Variants in SH3PXD2A observed in about 807,000 individuals in gnomAD.
The protein encoded by SH3PXD2A is SH3 and PX domain-containing protein 2A.
SH3PXD2A carries 32 observed loss-of-function variants against 115.2 expected under a neutral mutation model. The ratio of observed to expected loss-of-function variants is 0.28; its 90% CI spans 0.21 to 0.37. SH3PXD2A has a LOEUF of 0.37. Ranked by LOEUF, SH3PXD2A falls within the 10% of genes least tolerant of loss-of-function variation. The probability of loss-of-function intolerance (pLI) is 1.00; values close to 1 mark genes in which losing one functional copy is unlikely to be tolerated. For synonymous variants in SH3PXD2A, 610 were observed against 629.1 expected (o/e 0.97, Z 0.45); for missense variants, 1,328 against 1,498.7 (o/e 0.89, Z 1.88).
intron 3 of SH3PXD2A, among the ~76,000 whole-genome samples, chr10:103,744,770 A>T (rs992742912): frequency 5.3e-5 from 8 of 152,212 alleles, no homozygotes; most frequent in Non-Finnish European, 1.0e-4. Context: ...CCCATAGCGA[A>T]GGTCAGCAGC....
chr10:103,831,076 A>G (rs748929666), intron 1 of SH3PXD2A, among the ~76,000 whole-genome samples: 20 of 152,256 alleles, frequency 1.3e-4, no homozygotes, highest in Non-Finnish European at 2.5e-4. Context: ...TACTACAAAC[A>G]TATGTAACCA....
intron 11 of SH3PXD2A, among the ~76,000 whole-genome samples, chr10:103,613,999 G>A (rs1439614510): frequency 1.3e-5 from 2 of 152,166 alleles, no homozygotes; most frequent in African/African-American, 4.8e-5. Context: ...GCTTACACCT[G>A]TCATTACAGC....
chr10:103,801,572 C>CT (rs2039148350), intron 1 of SH3PXD2A, among the ~76,000 whole-genome samples: 1 of 151,808 alleles, frequency 6.6e-6, no homozygotes, highest in South Asian at 2.1e-4. Flanking sequence ...CACACATACC[C>CT]CTAGAGGGAT....
chr10:103,692,705 A>C (rs2037771296), intron 6 of SH3PXD2A, among the ~76,000 whole-genome samples: 1 of 152,064 alleles, frequency 6.6e-6, no homozygotes, highest in Non-Finnish European at 1.5e-5. Flanking sequence ...CCGGCTGCTC[A>C]CCGTGCGGGG....
At chr10:103,678,146 C>T (rs954059998) in intron 6 of SH3PXD2A, 12 of 1,289,154 alleles carry the variant, frequency 9.3e-6, no homozygotes, top group Non-Finnish European at 1.2e-5. Context: ...CAGGAACGAC[C>T]CGTTCATGTG....
chr10:103,754,724 C>T (rs1173074700), intron 3 of SH3PXD2A: 1 of 152,094 alleles, frequency 6.6e-6, no homozygotes, highest in African/African-American at 2.4e-5. Flanking sequence ...CCACAGAATA[C>T]CAGAAACAGG....
At chr10:103,776,156 G>A (rs2038875810) in intron 2 of SH3PXD2A, among the ~76,000 whole-genome samples, 1 of 152,162 alleles carries the variant, frequency 6.6e-6, no homozygotes, top group South Asian at 2.1e-4. Context: ...GGAGGCCAAG[G>A]CAGGAGGATT....
At chr10:103,847,745 C>T (rs553347493) in intron 1 of SH3PXD2A, among the ~76,000 whole-genome samples, 3 of 152,274 alleles carry the variant, frequency 2.0e-5, no homozygotes, top group Non-Finnish European at 4.4e-5. Flanking sequence ...TCGAGACCAG[C>T]CTGGCCAACA....
intron 3 of SH3PXD2A, among the ~76,000 whole-genome samples, chr10:103,745,796 C>A (rs1157355000): frequency 6.6e-6 from 1 of 152,212 alleles, no homozygotes. Context: ...GTGTCTCCCA[C>A]ACGGCTTCCG....
chr10:103,659,853 C>T (rs1293923023), intron 8 of SH3PXD2A, among the ~76,000 whole-genome samples: 1 of 152,162 alleles, frequency 6.6e-6, no homozygotes, highest in Non-Finnish European at 1.5e-5. Context: ...CCAGGAGGCC[C>T]ACTGGGATTT....
intron 8 of SH3PXD2A, among the ~76,000 whole-genome samples, chr10:103,653,029 C>A (rs978027058): frequency 6.6e-6 from 1 of 152,212 alleles, no homozygotes; most frequent in Non-Finnish European, 1.5e-5. Context: ...TTTAACAACA[C>A]CTCAGTGGTG....
intron 2 of SH3PXD2A, among the ~76,000 whole-genome samples, chr10:103,785,173 G>A (rs78512543): frequency 6.6e-6 from 1 of 152,192 alleles, no homozygotes; most frequent in Non-Finnish European, 1.5e-5. Flanking sequence ...GACCTGGATC[G>A]CTGACAGCTT....
chr10:103,711,361 T>C (rs571842201), intron 5 of SH3PXD2A, among the ~76,000 whole-genome samples: 1 of 152,302 alleles, frequency 6.6e-6, no homozygotes, highest in African/African-American at 2.4e-5. Context: ...GAAGTAAGCA[T>C]TGCATTTGAG....
chr10:103,615,501 T>TGC (rs1384234788), intron 11 of SH3PXD2A, among the ~76,000 whole-genome samples: 14 of 91,208 alleles, frequency 1.5e-4, no homozygotes, highest in Non-Finnish European at 3.2e-4. Flanking sequence ...TGTGTGTGTG[T>TGC]GTGTGTGTGT....
rs143339210 is a variant in SH3PXD2A, at chr10:103,630,822, C to T, written c.605-3620G>A. ...TCAGTCCTGATTTCCATCATTTGGG[C>T]TCCTGGTTCCAGATGTGCTAAAGCT... On this transcript the variant is annotated intron_variant, in intron 8 of 14. Transcript: ENST00000369774. Among the ~76,000 whole-genome samples the T allele has an allele frequency of 3.3e-5, 5 of 151,350 alleles. No homozygotes were observed. In the East Asian group the frequency reaches 9.7e-4, roughly 29 times the overall value.
At chr10:103,643,764 C>T (rs530318906) in intron 8 of SH3PXD2A, among the ~76,000 whole-genome samples, 10 of 152,302 alleles carry the variant, frequency 6.6e-5, no homozygotes, top group East Asian at 3.9e-4. Context: ...CATGTTTGCA[C>T]GACCCACTCT....
rs377466104 is a variant in SH3PXD2A, at chr10:103,665,351, C to G, written c.472+3257G>C. 2.6e-5 allele frequency among the ~76,000 whole-genome samples: 4 copies of G among 152,254 alleles called. No homozygotes were observed. Among genetic ancestry groups the G allele is most frequent in the African/African-American group, 9.6e-5 (4 of 41,544 alleles). On this transcript the variant is annotated intron_variant, in intron 7 of 14. Transcript: ENST00000369774. The surrounding 1 kb of genome is among the most constrained non-coding windows in gnomAD (Gnocchi z 4.0). ...CAGGGTTTCAAAGCAGAGTTAAATC[C>G]ACACCCCCACACCCCTTCCCCCCAC...
rs539086734 is a variant in SH3PXD2A, at chr10:103,805,187, A to G, written c.73-3825T>C. On this transcript the variant is annotated intron_variant, in intron 1 of 14. Transcript: ENST00000369774. ...TCCCTTCACCTCCCAGAGAGAATCA[A>G]TCACAGGCTCACAGCCCCTGGCAGC... Among the ~76,000 whole-genome samples the G allele has an allele frequency of 2.0e-5, 3 of 152,290 alleles. No individual in the cohort carries two copies. In the East Asian group the frequency reaches 5.8e-4, roughly 29 times the overall value.
At chr10:103,718,060 G>C (rs1008163977) in intron 5 of SH3PXD2A, among the ~76,000 whole-genome samples, 2 of 151,286 alleles carry the variant, frequency 1.3e-5, no homozygotes, top group African/African-American at 4.9e-5. Context: ...AGGCTGGAGT[G>C]CAGTGGTGCA....
Sources: gnomAD v4.1 joint callset for allele counts (sites outside exome capture counted in the v4.1 genomes callset) on GRCh38, gnomAD v4.1.1 for gene constraint, Gnocchi (gnomAD v3.1) non-coding constraint, MANE v1.5 for transcripts, NCBI Gene and HGNC (gene_info 2026-07-23, HGNC 2026-07-21) for gene names.